The following KRT4 variants were observed in gnomAD, a reference collection of about 807,000 sequenced individuals.
The protein encoded by KRT4 is keratin 4.
KRT4 carries 47 observed loss-of-function variants against 50.6 expected under a neutral mutation model. That is an observed-to-expected ratio of 0.93 (90% confidence interval 0.73 to 1.18). The LOEUF (loss-of-function observed/expected upper bound fraction) is 1.18, where lower values mean the gene tolerates loss of function less well. Among genes scored for constraint, KRT4 ranks in the 50% most tolerant of loss-of-function variants. KRT4 has a pLI of 0.00. For missense variants in KRT4, 651 were observed against 645.7 expected (o/e 1.01, Z -0.09); for synonymous variants, 254 against 251.2 (o/e 1.01, Z -0.10).
chr12:52,809,175 C>A (rs951873281), intron 4 of KRT4: 66 of 645,104 alleles, frequency 1.0e-4, no homozygotes, highest in Non-Finnish European at 1.7e-4. Context: ...GATCTAATCA[C>A]CCCGTCTAAG....
At chr12:52,807,417 G>A (rs779342739) in intron 7 of KRT4, 24 bp from the exon 8 acceptor site, 18 of 1,613,968 alleles carry the variant, frequency 1.1e-5, no homozygotes, top group Non-Finnish European at 1.4e-5. Flanking sequence ...AAAAGGCGGT[G>A]AGCCTCAGGG....
Position 52,807,853 on chromosome 12 carries a change from AAG to A in KRT4, c.1135_1136del (p.Leu379SerfsTer6), listed in dbSNP as rs1421869240. The part of the protein sequence containing the change: ...IENIKKQCQT[L>X]QVSVADAEQR... ...GCTCTGCATCAGCCACGGATACCTG[AAG>A]AGTCTGGCACTATTGACAAAGGCAT... is the stretch of plus-strand genomic sequence containing the variant. On this transcript the variant is annotated frameshift_variant, in exon 7 of 9. Coordinates refer to ENST00000551956, the MANE Select transcript of KRT4 (RefSeq NM_002272.4). LOFTEE classifies it high-confidence loss of function. The A allele has an allele frequency of 6.2e-7, 1 of 1,613,784 alleles. No individual in the cohort carries two copies. Among genetic ancestry groups the A allele is most frequent in the Non-Finnish European group, 8.5e-7 (1 of 1,180,018 alleles).
At chr12:52,809,252 G>T in intron 4 of KRT4, 131 bp downstream of exon 4, 1 of 769,432 alleles carries the variant, frequency 1.3e-6, no homozygotes, top group South Asian at 1.4e-5. Context: ...TTCTATGCAT[G>T]ACCTTGATGA....
chr12:52,808,604 G>C, intron 5 of KRT4, 82 bp downstream of exon 5: 9 of 1,535,152 alleles, frequency 5.9e-6, no homozygotes, highest in Non-Finnish European at 7.2e-6. Context: ...TATTGGGCTT[G>C]AGCTAATGAT....
At position 52,813,743 on chromosome 12, in the gene KRT4, C is replaced by G. The variant is rs199642796; in HGVS notation, c.316G>C (p.Ala106Pro). The G allele has an allele frequency of 9.6e-7, 1 of 1,039,002 alleles. No individual in the cohort carries two copies. The highest frequency in any genetic ancestry group is 1.1e-4 in the East Asian group (1 of 9,236). The allele number at this position is 1,039,002 out of a possible 1,614,324, so 64.4% of individuals were successfully genotyped here. A position where few individuals can be genotyped will look rare whatever the true frequency, so the allele number is the denominator to read the frequency against. The change falls in exon 1 of 9, where the codon GCT becomes CCT. Residue 106 changes from alanine (A) to proline (P), a missense_variant. Ala to Pro is a conservative substitution (Grantham distance 27). Coordinates refer to ENST00000551956, the MANE Select transcript of KRT4 (RefSeq NM_002272.4). ...KGGPGFPVCPAGGIQEVTINQ... is the reference protein window; with the variant it reads ...KGGPGFPVCPPGGIQEVTINQ... ...ATGGTGACCTCCTGAATTCCCCCAG[C>G]GGGGCAGACGGGGAAGCCAGGGCCA...
chr12:52,806,926 G>A lies in KRT4; in HGVS notation c.*143C>T. ...GTCCCAGCACAGAAGATCATCCTGG[G>A]GCAGAGAGAGCCCATGGGATAGTGG... is the stretch of plus-strand genomic sequence containing the variant. On this transcript the variant is annotated 3_prime_UTR_variant, in exon 9 of 9. Transcript: ENST00000551956. The A allele has an allele frequency of 1.2e-6, 1 of 832,338 alleles. No homozygotes were observed. Among genetic ancestry groups the A allele is most frequent in the Non-Finnish European group, 2.0e-6 (1 of 500,906 alleles). The allele number at this position is 832,338 out of a possible 1,614,324, so 51.6% of individuals were successfully genotyped here. A position where few individuals can be genotyped will look rare whatever the true frequency, so the allele number is the denominator to read the frequency against.
intron 3 of KRT4, among the ~76,000 whole-genome samples, chr12:52,810,445 G>C (rs1056880268): frequency 2.6e-5 from 4 of 152,118 alleles, no homozygotes; most frequent in Admixed American, 2.6e-4. Flanking sequence ...TACTCGGGAG[G>C]CTGAGGCAGG....
rs757613926 is a variant in KRT4, at chr12:52,813,748, C to A, written c.311G>T (p.Cys104Phe). ...SGKGGPGFPVCPAGGIQEVTI... is the reference protein window; with the variant it reads ...SGKGGPGFPVFPAGGIQEVTI... ...GACCTCCTGAATTCCCCCAGCGGGGCAGACGGGGAAGCCAGGGCCACCCTT... is the reference window on the plus strand; with the variant it reads ...GACCTCCTGAATTCCCCCAGCGGGGAAGACGGGGAAGCCAGGGCCACCCTT... The change falls in exon 1 of 9, where the codon TGC becomes TTC. Residue 104 changes from cysteine (C) to phenylalanine (F), a missense_variant. By Grantham distance (205) the Cys-to-Phe change is radical. Coordinates refer to ENST00000551956, the MANE Select transcript of KRT4 (RefSeq NM_002272.4). 2 of 1,614,280 alleles carry A rather than the reference C, an allele frequency of 1.2e-6. No homozygotes were observed. The highest frequency in any genetic ancestry group is 1.7e-6 in the Non-Finnish European group (2 of 1,180,046).
At position 52,813,592 on chromosome 12, in the gene KRT4, C is replaced by G. The variant is rs1939948632; in HGVS notation, c.462+5G>C. 6.2e-7 allele frequency: 1 copy of G among 1,613,248 alleles called. No homozygotes were observed. Among genetic ancestry groups the G allele is most frequent in the Non-Finnish European group, 8.5e-7 (1 of 1,179,436 alleles). ...TGCCCCTCTCCAGCCGAGGACACAG[C>G]TCACCTTGTCGATGAAGGAGGCAAA... On this transcript the variant is annotated splice_donor_5th_base_variant and intron_variant, in intron 1 of 8. Coordinates refer to ENST00000551956, the MANE Select transcript of KRT4 (RefSeq NM_002272.4).
In KRT4 at chr12:52,808,744, T is replaced by G. The variant is rs1939853352; in HGVS notation, c.941A>C (p.Gln314Pro). Residue 314 changes from glutamine to proline, a missense_variant, in exon 5 of 9, where the codon CAG becomes CCG. Physicochemically the swap from Gln to Pro is moderately conservative, Grantham distance 76. Transcript: ENST00000551956. ...GCTCCTCTGGGCAATCTCCTCGTAC[T>G]GGGCACGGACCTCGGCAATAATGCT... Reference protein sequence around the residue: ...LDSIIAEVRAQYEEIAQRSKA... With the variant: ...LDSIIAEVRAPYEEIAQRSKA... The G allele has an allele frequency of 3.1e-6, 5 of 1,614,202 alleles. No homozygotes were observed. Among genetic ancestry groups the G allele is most frequent in the African/African-American group, 1.3e-5 (1 of 75,054 alleles).
Position 52,806,873 on chromosome 12 carries a change from C to G in KRT4, c.*196G>C. 1.5e-6 allele frequency: 1 copy of G among 664,314 alleles called. No homozygotes were observed. The highest frequency in any genetic ancestry group is 1.7e-5 in the South Asian group (1 of 57,192). 41.2% of individuals were successfully genotyped at this position (664,314 alleles called of 1,614,324 possible). On this transcript the variant is annotated 3_prime_UTR_variant, in exon 9 of 9. Transcript: ENST00000551956. ...TCACCAGGCCCAAATCAAGAAGTAG[C>G]TACCAAACTCCAAGAGGCAGAGTCC... is the stretch of plus-strand genomic sequence containing the variant.
At chr12:52,808,482 A>G in intron 5 of KRT4, 63 bp from the exon 6 acceptor site, 1 of 1,605,264 alleles carries the variant, frequency 6.2e-7, no homozygotes, top group Non-Finnish European at 8.5e-7. Flanking sequence ...TCCATTCTCA[A>G]GTGAACTCAG....
chr12:52,813,893 T>A lies in KRT4; in HGVS notation c.166A>T (p.Arg56Trp), dbSNP rs937760611. ...CTCATGGAGATGCTTTTGTTCCCCC[T>A]GAGGTTGTAGAGGCTTCTGCTGCCA... is the stretch of plus-strand genomic sequence containing the variant. ...GFGSRSLYNL[R>W]GNKSISMSVA... The change falls in exon 1 of 9, where the codon AGG becomes TGG. Residue 56 changes from arginine (R) to tryptophan (W), a missense_variant. Transcript: ENST00000551956. 7.9e-6 allele frequency: 9 copies of A among 1,142,770 alleles called. No individual in the cohort carries two copies. Among genetic ancestry groups the A allele is most frequent in the Non-Finnish European group, 9.7e-6 (9 of 926,028 alleles). The allele number at this position is 1,142,770 out of a possible 1,614,324, so 70.8% of individuals were successfully genotyped here.
chr12:52,812,716 T>A (rs1459301834), intron 1 of KRT4, among the ~76,000 whole-genome samples: 1 of 152,260 alleles, frequency 6.6e-6, no homozygotes, highest in African/African-American at 2.4e-5. Context: ...GTTTTTGCTA[T>A]CACATCTGCA....
At position 52,813,848 on chromosome 12, in the gene KRT4, C is replaced by G; in HGVS notation, c.211G>C (p.Gly71Arg). The change falls in exon 1 of 9, where the codon GGT becomes CGT. Residue 71 changes from glycine to arginine, a missense_variant. Physicochemically the swap from Gly to Arg is moderately radical, Grantham distance 125 (BLOSUM62 -2). Transcript: ENST00000551956. ...ISMSVAGSRQ[G>R]ACFGGAGGFG... ...CCTCCAGCACCCCCAAAGCAGGCAC[C>G]TTGTCGTGACCCAGCCACACTCATG... 1 of 317,048 alleles carries G rather than the reference C, an allele frequency of 3.2e-6. No homozygotes were observed. The highest frequency in any genetic ancestry group is 4.7e-6 in the Non-Finnish European group (1 of 210,814). The allele number at this position is 317,048 out of a possible 1,614,324, so 19.6% of individuals were successfully genotyped here.
chr12:52,814,033 C>G lies in KRT4; in HGVS notation c.26G>C (p.Arg9Pro), dbSNP rs950673957. 1.6e-5 allele frequency: 26 copies of G among 1,613,766 alleles called. No individual in the cohort carries two copies. Among genetic ancestry groups the G allele is most frequent in the Non-Finnish European group, 2.2e-5 (26 of 1,179,848 alleles). The change falls in exon 1 of 9, where the codon CGA becomes CCA. Residue 9 changes from arginine to proline, a missense_variant. Arg to Pro is a moderately radical substitution (Grantham distance 103). Coordinates refer to ENST00000551956, the MANE Select transcript of KRT4 (RefSeq NM_002272.4). ...ACAGCTGAAGCCCCGGGGCCCGCCTCGGACACACTGCTGTCTGGCAATCAT... is the reference window on the plus strand; with the variant it reads ...ACAGCTGAAGCCCCGGGGCCCGCCTGGGACACACTGCTGTCTGGCAATCAT... MIARQQCV[R>P]GGPRGFSCGS...
intron 7 of KRT4, 99 bp downstream of exon 7, chr12:52,807,545 C>T (rs959888709): frequency 1.2e-5 from 18 of 1,502,204 alleles, no homozygotes; most frequent in Middle Eastern, 2.0e-4. Flanking sequence ...CGTAATGCAC[C>T]GGCACAACAC....
chr12:52,811,769 T>C lies in KRT4; in HGVS notation c.671A>G (p.Lys224Arg), dbSNP rs1012356059. 1.9e-6 allele frequency: 3 copies of C among 1,612,804 alleles called. No individual in the cohort carries two copies. Among genetic ancestry groups the C allele is most frequent in the Non-Finnish European group, 2.5e-6 (3 of 1,179,532 alleles). The change falls in exon 2 of 9, where the codon AAG becomes AGG. Residue 224 changes from lysine (K) to arginine (R), a missense_variant. By Grantham distance (26) the Lys-to-Arg change is conservative. Coordinates refer to ENST00000551956, the MANE Select transcript of KRT4 (RefSeq NM_002272.4). ...KTMQDSVEDFKTKYEEEINKR... is the reference protein window; with the variant it reads ...KTMQDSVEDFRTKYEEEINKR... ...CTCCTTCCTCCCCATGTACTTAGTC[T>C]TGAAGTCCTCCACGCTGTCCTGCAT... is the stretch of plus-strand genomic sequence containing the variant.
At chr12:52,808,592 T>G (rs1939849811) in intron 5 of KRT4, 94 bp downstream of exon 5, 1 of 1,512,502 alleles carries the variant, frequency 6.6e-7, no homozygotes, top group Admixed American at 1.7e-5. Flanking sequence ...ATATCTGACT[T>G]CTATTGGGCT....
Sources: gnomAD v4.1 joint callset for allele counts (sites outside exome capture counted in the v4.1 genomes callset) on GRCh38, gnomAD v4.1.1 for gene constraint, MANE v1.5 for transcripts, NCBI Gene and HGNC (gene_info 2026-07-23, HGNC 2026-07-21) for gene names.